Variants in EXOC4 observed in about 807,000 individuals in gnomAD.
EXOC4 encodes SEC8-like 1.
In EXOC4, 71 loss-of-function variants were observed where a neutral mutation model predicts 107.2. That is an observed-to-expected ratio of 0.66 (90% CI 0.55 to 0.81). EXOC4 has a LOEUF of 0.81. Among genes scored for constraint, EXOC4 ranks in the 30% least tolerant of loss-of-function variants. The pLI is 0.00. For synonymous variants in EXOC4, 456 were observed against 441.2 expected (o/e 1.03, Z -0.42); for missense variants, 1,108 against 1,189.6 (o/e 0.93, Z 1.01).
At chr7:134,022,074 G>T (rs1026218261) in intron 17 of EXOC4, among the ~76,000 whole-genome samples, 1 of 152,182 alleles carries the variant, frequency 6.6e-6, no homozygotes, top group African/African-American at 2.4e-5. Flanking sequence ...GTGCTGCTGT[G>T]AAAGTAATAA....
At chr7:133,844,694 CA>C (rs1307176793) in intron 11 of EXOC4, among the ~76,000 whole-genome samples, 1 of 152,042 alleles carries the variant, frequency 6.6e-6, no homozygotes, top group Admixed American at 6.6e-5. Context: ...ACCAGCTTGA[CA>C]AATGGAGTAC....
intron 13 of EXOC4, among the ~76,000 whole-genome samples, chr7:133,923,903 G>T (rs1433795739): frequency 6.6e-6 from 1 of 152,048 alleles, no homozygotes; most frequent in Non-Finnish European, 1.5e-5. Flanking sequence ...TGATATAAAT[G>T]ATAAGCTTTT....
At chr7:133,497,853 A>G (rs1459034404) in intron 9 of EXOC4, among the ~76,000 whole-genome samples, 1 of 152,120 alleles carries the variant, frequency 6.6e-6, no homozygotes, top group Admixed American at 6.5e-5. Flanking sequence ...TTGCCCCTCC[A>G]GTTCTCTATG....
intron 14 of EXOC4, among the ~76,000 whole-genome samples, chr7:133,949,009 C>T (rs1379749829): frequency 6.6e-6 from 1 of 152,186 alleles, no homozygotes; most frequent in Non-Finnish European, 1.5e-5. Context: ...GAATGCAATG[C>T]TGTGTGCCTA....
chr7:133,429,529 T>C (rs1334541785), intron 7 of EXOC4, among the ~76,000 whole-genome samples: 1 of 152,208 alleles, frequency 6.6e-6, no homozygotes, highest in African/African-American at 2.4e-5. Flanking sequence ...CTATCACCAC[T>C]GTCTAATTCC....
chr7:134,091,114 G>T, the EXOC4 span, among the ~76,000 whole-genome samples: 1 of 152,106 alleles, frequency 6.6e-6, no homozygotes, highest in Non-Finnish European at 1.5e-5. Context: ...CAGACCCCAA[G>T]AGAAGGTTCT....
chr7:134,010,758 A>G (rs1370035915), intron 17 of EXOC4, among the ~76,000 whole-genome samples: 3 of 152,228 alleles, frequency 2.0e-5, no homozygotes, highest in Non-Finnish European at 4.4e-5. Context: ...TTATTTAACA[A>G]GAAGTTGCAA....
intron 7 of EXOC4, among the ~76,000 whole-genome samples, chr7:133,409,168 G>C (rs970135789): frequency 6.6e-6 from 1 of 152,140 alleles, no homozygotes; most frequent in African/African-American, 2.4e-5. Context: ...TAAATGTTTA[G>C]CTAAAATTCA....
chr7:133,378,392 G>A (rs917247692), intron 7 of EXOC4, among the ~76,000 whole-genome samples: 5 of 151,030 alleles, frequency 3.3e-5, no homozygotes, highest in African/African-American at 1.2e-4. Context: ...AAGTAAATAG[G>A]GCCAGAAATG....
At chr7:133,721,849 C>T (rs1311145772) in intron 10 of EXOC4, among the ~76,000 whole-genome samples, 1 of 152,150 alleles carries the variant, frequency 6.6e-6, no homozygotes, top group Admixed American at 6.6e-5. Context: ...GATATTCTGG[C>T]TACTATTTTT....
At chr7:133,310,345 A>C (rs1794843045) in intron 4 of EXOC4, among the ~76,000 whole-genome samples, 1 of 152,136 alleles carries the variant, frequency 6.6e-6, no homozygotes, top group African/African-American at 2.4e-5. Context: ...AGGCACTTGG[A>C]AACTGTGACT....
At chr7:134,051,785 A>C (rs2116583582) in intron 17 of EXOC4, among the ~76,000 whole-genome samples, 1 of 152,214 alleles carries the variant, frequency 6.6e-6, no homozygotes, top group African/African-American at 2.4e-5. Context: ...GGAGATCGAG[A>C]CCATCCTGGC....
At chr7:133,486,215 G>A (rs1206796987) in intron 9 of EXOC4, among the ~76,000 whole-genome samples, 2 of 152,144 alleles carry the variant, frequency 1.3e-5, no homozygotes, top group Middle Eastern at 3.4e-3. Context: ...TCTCTAATGG[G>A]TTGTCGGTGA....
At chr7:133,430,123 A>G (rs1442806559) in intron 7 of EXOC4, among the ~76,000 whole-genome samples, 1 of 152,190 alleles carries the variant, frequency 6.6e-6, no homozygotes, top group East Asian at 1.9e-4. Context: ...TTATTGAGTG[A>G]TGGAAGTGGC....
At chr7:134,079,258 G>A in the EXOC4 span, among the ~76,000 whole-genome samples, 3 of 152,150 alleles carry the variant, frequency 2.0e-5, no homozygotes, top group African/African-American at 7.2e-5. Context: ...TTATTGGAAA[G>A]TTTCCTCTGA....
At chr7:133,864,668 G>A (rs987107358) in intron 11 of EXOC4, among the ~76,000 whole-genome samples, 2 of 152,212 alleles carry the variant, frequency 1.3e-5, no homozygotes. Context: ...TATGGAACAA[G>A]AGTTAGATCT....
chr7:134,090,098 G>A, the EXOC4 span, among the ~76,000 whole-genome samples: 1 of 152,136 alleles, frequency 6.6e-6, no homozygotes, highest in African/African-American at 2.4e-5. Flanking sequence ...CTACTTTTCT[G>A]ACAACGTATT....
intron 7 of EXOC4, among the ~76,000 whole-genome samples, chr7:133,381,621 A>C (rs2150701728): frequency 6.6e-6 from 1 of 152,324 alleles, no homozygotes; most frequent in East Asian, 1.9e-4. Flanking sequence ...TTGGATAGGT[A>C]GATTTGGGTG....
At chr7:133,473,361 A>G (rs925676930) in intron 7 of EXOC4, among the ~76,000 whole-genome samples, 1 of 152,152 alleles carries the variant, frequency 6.6e-6, no homozygotes, top group African/African-American at 2.4e-5. Context: ...GTCTGTTGAC[A>G]TGTTTTGTAT....
Sources: allele counts gnomAD v4.1 joint callset (sites outside exome capture counted in the v4.1 genomes callset), GRCh38; gene constraint gnomAD v4.1.1; transcripts MANE v1.5; gene names NCBI Gene and HGNC (gene_info 2026-07-23, HGNC 2026-07-21).